The following MED15 variants were observed in gnomAD, a reference collection of about 807,000 sequenced individuals.
MED15 encodes mediator complex subunit 15.
MED15 carries 41 observed loss-of-function variants against 118.7 expected under a neutral mutation model. The ratio of observed to expected loss-of-function variants is 0.35; its 90% CI spans 0.27 to 0.45. The LOEUF is 0.45. Ranked by LOEUF, MED15 falls within the 20% of genes least tolerant of loss-of-function variation. MED15 has a pLI of 1.00. For missense variants in MED15, 740 were observed against 1,025.5 expected, an observed-to-expected ratio of 0.72 and a Z score of 3.80; for synonymous variants, 436 against 413.9, an observed-to-expected ratio of 1.05 and a Z score of -0.65.
In MED15 at chr22:20,521,117, G is replaced by A. The variant is rs1220733288; in HGVS notation, c.68+13371G>A. 2.5e-5 allele frequency among the ~76,000 whole-genome samples: 2 copies of A among 78,512 alleles called. 1 individual carries two copies. The highest frequency in any genetic ancestry group is 1.2e-4 in the African/African-American group (2 of 16,358). 51.5% of individuals were successfully genotyped at this position (78,512 alleles called of 152,430 possible). On this transcript the variant is annotated intron_variant, in intron 1 of 17. Transcript: ENST00000263205. ...TTTTTTTTTTTTTTTTTTTTTTTGA[G>A]ATGGAGTCTCACTCTGTTACCCAGG...
chr22:20,543,509 GCCT>G (rs1213311185), intron 2 of MED15, among the ~76,000 whole-genome samples: 1 of 150,144 alleles, frequency 6.7e-6, no homozygotes, highest in African/African-American at 2.5e-5. Flanking sequence ...ACCATGCCCG[GCCT>G]CCTCTTGCAT....
intron 1 of MED15, among the ~76,000 whole-genome samples, chr22:20,529,104 C>T (rs2054761131): frequency 6.6e-6 from 1 of 152,202 alleles, no homozygotes; most frequent in African/African-American, 2.4e-5. Context: ...GGGCCATCAG[C>T]TTTCCAGCTT....
At chr22:20,544,995 C>T (rs1345940257) in intron 2 of MED15, among the ~76,000 whole-genome samples, 1 of 152,156 alleles carries the variant, frequency 6.6e-6, no homozygotes, top group Non-Finnish European at 1.5e-5. Flanking sequence ...CCAGGATAGC[C>T]CTCCATCTCA....
At position 20,568,614 on chromosome 22, in the gene MED15, G is replaced by A. The variant is rs766751260; in HGVS notation, c.1135G>A (p.Val379Met). Residue 379 changes from valine to methionine, a missense_variant, in exon 8 of 18, where the codon GTG (valine) becomes ATG (methionine). Transcript: ENST00000263205. ...AVQTAQAAQM[V>M]APGVQMITEA... ...ACAGACAGCTCAGGCTGCCCAGATG[G>A]TGGCTCCCGGAGTCCAGGTGAGGGC... 6.2e-7 allele frequency: 1 copy of A among 1,613,506 alleles called. No individual in the cohort carries two copies. Among genetic ancestry groups the A allele is most frequent in the Admixed American group, 1.7e-5 (1 of 60,004 alleles).
intron 2 of MED15, among the ~76,000 whole-genome samples, chr22:20,543,558 CCTTTT>C (rs1483885228): frequency 7.1e-6 from 1 of 140,092 alleles, no homozygotes; most frequent in Non-Finnish European, 1.6e-5. Flanking sequence ...CAAGCTGAGT[CCTTTT>C]TTTTATTTTT....
chr22:20,507,802 C>T lies in MED15; in HGVS notation c.68+56C>T, dbSNP rs1466635489. ...TGTGGGACCTTCCTCCTTAGCGTGG[C>T]GGGCGAGGCCAGGGCCGGACCCGTG... On this transcript the variant is annotated intron_variant, in intron 1 of 17. Coordinates refer to ENST00000263205, the MANE Select transcript of MED15 (RefSeq NM_001003891.3). 1.3e-5 allele frequency: 21 copies of T among 1,609,026 alleles called. No individual in the cohort carries two copies. The highest frequency in any genetic ancestry group is 1.6e-5 in the Non-Finnish European group (19 of 1,177,310).
intron 6 of MED15, among the ~76,000 whole-genome samples, chr22:20,566,118 CA>C (rs1395969666): frequency 3.3e-5 from 5 of 150,476 alleles, no homozygotes; most frequent in African/African-American, 1.2e-4. Flanking sequence ...CGGCTCACTG[CA>C]ACCTCTGCCC....
chr22:20,550,881 G>C (rs1245812382), intron 2 of MED15: 1 of 344,138 alleles, frequency 2.9e-6, no homozygotes, highest in Admixed American at 3.9e-5. Flanking sequence ...TTCACCCTCT[G>C]CCTTGCCTGT....
intron 5 of MED15, among the ~76,000 whole-genome samples, chr22:20,562,184 G>A (rs2056268528): frequency 6.6e-6 from 1 of 151,962 alleles, no homozygotes; most frequent in African/African-American, 2.4e-5. Context: ...ACAAAAAAAA[G>A]GATGAAGAAA....
chr22:20,521,088 ATTTTT>A (rs924603121), intron 1 of MED15, among the ~76,000 whole-genome samples: 1 of 61,500 alleles, frequency 1.6e-5, no homozygotes, highest in Non-Finnish European at 3.1e-5. Context: ...CAGTTGTTCT[ATTTTT>A]TTTTTTTTTT....
intron 2 of MED15, among the ~76,000 whole-genome samples, chr22:20,538,136 G>A (rs538861830): frequency 1.3e-5 from 2 of 152,220 alleles, no homozygotes; most frequent in Non-Finnish European, 1.5e-5. Flanking sequence ...AAAAAGAGGT[G>A]CAGCTTCCCT....
At chr22:20,532,893 C>T (rs1360442639) in intron 1 of MED15, among the ~76,000 whole-genome samples, 1 of 152,178 alleles carries the variant, frequency 6.6e-6, no homozygotes, top group Non-Finnish European at 1.5e-5. Flanking sequence ...GAAGAGCTCA[C>T]TGTGACATGT....
At chr22:20,585,603 C>T (rs2057110829) in intron 16 of MED15, 125 bp from the exon 17 acceptor site, 3 of 889,658 alleles carry the variant, frequency 3.4e-6, no homozygotes, top group East Asian at 2.6e-5. Flanking sequence ...GAGAGACCTC[C>T]TCCAGGCTTT....
At chr22:20,582,403 C>A (rs938607754) in intron 9 of MED15, 3 of 718,652 alleles carry the variant, frequency 4.2e-6, no homozygotes, top group African/African-American at 1.9e-5. Context: ...CCTGCCTGGG[C>A]CCCCCCCGCC....
chr22:20,525,796 G>A (rs1170648819), intron 1 of MED15, among the ~76,000 whole-genome samples: 1 of 151,930 alleles, frequency 6.6e-6, no homozygotes, highest in Non-Finnish European at 1.5e-5. Context: ...TCAGCCTCCC[G>A]AAGTGTTGGG....
At chr22:20,581,446 G>A (rs893429012) in intron 9 of MED15, among the ~76,000 whole-genome samples, 3 of 151,850 alleles carry the variant, frequency 2.0e-5, no homozygotes, top group South Asian at 2.1e-4. Context: ...CGAGACAGGC[G>A]TTCATGGCCA....
intron 2 of MED15, 46 bp downstream of exon 2, chr22:20,537,250 A>T: frequency 6.4e-7 from 1 of 1,561,160 alleles, no homozygotes; most frequent in Non-Finnish European, 8.8e-7. Context: ...AGACTTGGAG[A>T]GGAGAGCATC....
chr22:20,537,080 G>A (rs764384350), intron 1 of MED15, 37 bp from the exon 2 acceptor site: 2 of 1,592,968 alleles, frequency 1.3e-6, no homozygotes, highest in Non-Finnish European at 1.7e-6. Flanking sequence ...TGGAGTCACT[G>A]GTGTGTGCAA....
At chr22:20,527,745 G>A (rs1199699682) in intron 1 of MED15, among the ~76,000 whole-genome samples, 1 of 152,044 alleles carries the variant, frequency 6.6e-6, no homozygotes, top group Admixed American at 6.5e-5. Flanking sequence ...GGATCACAAG[G>A]TCAGGAGTTC....
Sources: gnomAD v4.1 joint callset for allele counts (sites outside exome capture counted in the v4.1 genomes callset) on GRCh38, gnomAD v4.1.1 for gene constraint, MANE v1.5 for transcripts, NCBI Gene and HGNC (gene_info 2026-07-23, HGNC 2026-07-21) for gene names.